Variants in MORC1 observed in about 807,000 individuals in gnomAD.
MORC1 encodes the protein MORC family CW-type zinc finger protein 1.
MORC1 carries 59 observed loss-of-function variants against 134.9 expected under a neutral mutation model. That is an observed-to-expected ratio of 0.44 (90% confidence interval 0.35 to 0.54). The LOEUF is 0.54. Ranked by LOEUF, MORC1 falls within the 20% of genes least tolerant of loss-of-function variation. MORC1 has a pLI of 0.00. For synonymous variants in MORC1, 395 were observed against 391.7 expected (o/e 1.01, Z -0.10); for missense variants, 947 against 1,134.5 (o/e 0.83, Z 2.37).
intron 14 of MORC1, among the ~76,000 whole-genome samples, chr3:109,038,934 T>A (rs1949444770): frequency 6.6e-6 from 1 of 152,182 alleles, no homozygotes; most frequent in Admixed American, 6.5e-5. Context: ...CTTTTTTTGT[T>A]AAGACAGAGT....
intron 17 of MORC1, among the ~76,000 whole-genome samples, chr3:109,027,493 G>C (rs1949106566): frequency 6.6e-6 from 1 of 152,026 alleles, no homozygotes; most frequent in African/African-American, 2.4e-5. Context: ...TGCAGCTGTG[G>C]AGTAGAAATA....
intron 14 of MORC1, among the ~76,000 whole-genome samples, chr3:109,042,743 T>C (rs766735057): frequency 2.6e-5 from 4 of 152,180 alleles, no homozygotes; most frequent in Admixed American, 6.5e-5. Context: ...GAATACTATT[T>C]AGCCTTTTAA....
chr3:108,978,627 C>T (rs1947627992), intron 24 of MORC1, among the ~76,000 whole-genome samples: 2 of 152,226 alleles, frequency 1.3e-5, no homozygotes, highest in African/African-American at 2.4e-5. Flanking sequence ...GTAGAGGCTA[C>T]AGTCCCTATG....
intron 17 of MORC1, among the ~76,000 whole-genome samples, chr3:109,024,726 G>T (rs991948521): frequency 6.6e-6 from 1 of 152,162 alleles, no homozygotes; most frequent in Non-Finnish European, 1.5e-5. Context: ...GGCATATATT[G>T]TATGATTCTG....
intron 8 of MORC1, among the ~76,000 whole-genome samples, chr3:109,076,174 T>C (rs1354564063): frequency 6.6e-6 from 1 of 152,024 alleles, no homozygotes; most frequent in Admixed American, 6.5e-5. Context: ...GCAAAAGATA[T>C]GAACAGACAC....
At chr3:109,065,460 T>C (rs1950175669) in intron 9 of MORC1, among the ~76,000 whole-genome samples, 1 of 152,312 alleles carries the variant, frequency 6.6e-6, no homozygotes, top group South Asian at 2.1e-4. Flanking sequence ...GTGTTTTTTT[T>C]CCTCCTGGTA....
At chr3:109,044,197 G>C (rs1476556750) in intron 14 of MORC1, among the ~76,000 whole-genome samples, 2 of 152,002 alleles carry the variant, frequency 1.3e-5, no homozygotes, top group Admixed American at 1.3e-4. Context: ...AGCTATGTAT[G>C]GAATACTTTA....
At chr3:109,000,017 C>A (rs1455971734) in intron 21 of MORC1, among the ~76,000 whole-genome samples, 1 of 152,108 alleles carries the variant, frequency 6.6e-6, no homozygotes, top group Non-Finnish European at 1.5e-5. Context: ...GAAGGCAAAG[C>A]AACTCGATTC....
chr3:108,959,561 A>G (rs1055711208), intron 27 of MORC1, among the ~76,000 whole-genome samples: 12 of 152,064 alleles, frequency 7.9e-5, no homozygotes, highest in African/African-American at 2.9e-4. Flanking sequence ...CTCTTGGCTT[A>G]CTACCCTGGT....
chr3:109,035,241 T>C, intron 15 of MORC1, 99 bp downstream of exon 15: 17 of 1,133,476 alleles, frequency 1.5e-5, no homozygotes, highest in Non-Finnish European at 2.1e-5. Flanking sequence ...AAGCAAGATG[T>C]CTTACCTTTG....
Position 108,958,877 on chromosome 3 carries a change from A to T in MORC1, c.*88T>A. ...CTTATTGTTAAACAGAATAGACTTTACAGTAACAACAACAAAAAAGAAAAA... is the reference window on the plus strand; with the variant it reads ...CTTATTGTTAAACAGAATAGACTTTTCAGTAACAACAACAAAAAAGAAAAA... On this transcript the variant is annotated 3_prime_UTR_variant, in exon 28 of 28. Coordinates refer to ENST00000232603, the MANE Select transcript of MORC1 (RefSeq NM_014429.4). 2 of 843,670 alleles carry T rather than the reference A, an allele frequency of 2.4e-6. No individual in the cohort carries two copies. The highest frequency in any genetic ancestry group is 3.5e-6 in the Non-Finnish European group (2 of 573,322). The allele number at this position is 843,670 out of a possible 1,614,324, so 52.3% of individuals were successfully genotyped here.
At chr3:109,008,574 G>C (rs576757417) in intron 17 of MORC1, among the ~76,000 whole-genome samples, 150 of 151,782 alleles carry the variant, frequency 9.9e-4, no homozygotes, top group African/African-American at 3.5e-3. Flanking sequence ...TGTATCACTT[G>C]TAATTATTGC....
intron 3 of MORC1, chr3:109,110,054 C>T (rs1313976053): frequency 6.6e-6 from 1 of 152,212 alleles, no homozygotes; most frequent in African/African-American, 2.4e-5. Flanking sequence ...GTCTATCTCT[C>T]TCATGAAGCG....
intron 17 of MORC1, among the ~76,000 whole-genome samples, chr3:109,015,999 T>A (rs1948809034): frequency 6.6e-6 from 1 of 152,204 alleles, no homozygotes. Flanking sequence ...AGTCTGAACA[T>A]GAAAACCATT....
chr3:109,020,132 T>A (rs1948920492), intron 17 of MORC1, among the ~76,000 whole-genome samples: 1 of 152,224 alleles, frequency 6.6e-6, no homozygotes, highest in Admixed American at 6.5e-5. Flanking sequence ...CCAAAAATTG[T>A]ATGAACCTCA....
At chr3:109,060,218 G>A (rs895605599) in intron 11 of MORC1, among the ~76,000 whole-genome samples, 11 of 149,310 alleles carry the variant, frequency 7.4e-5, no homozygotes, top group African/African-American at 2.5e-4. Flanking sequence ...TTGTTTGTGA[G>A]AACAATAAAT....
At chr3:109,024,148 T>C (rs1949022185) in intron 17 of MORC1, among the ~76,000 whole-genome samples, 2 of 152,220 alleles carry the variant, frequency 1.3e-5, no homozygotes, top group Non-Finnish European at 1.5e-5. Flanking sequence ...CAAATATGAT[T>C]TGCAATATAT....
intron 20 of MORC1, among the ~76,000 whole-genome samples, chr3:109,002,778 A>G (rs1948438593): frequency 6.6e-6 from 1 of 150,964 alleles, no homozygotes; most frequent in South Asian, 2.1e-4. Flanking sequence ...CCTGCTTGAA[A>G]CTCTTCAATG....
intron 18 of MORC1, 88 bp downstream of exon 18, chr3:109,006,941 C>G: frequency 9.6e-7 from 1 of 1,037,856 alleles, no homozygotes; most frequent in Non-Finnish European, 1.4e-6. Context: ...ACCTCATAAA[C>G]CATGATGACA....
Sources: gnomAD v4.1 joint callset for allele counts (sites outside exome capture counted in the v4.1 genomes callset) on GRCh38, gnomAD v4.1.1 for gene constraint, MANE v1.5 for transcripts, NCBI Gene and HGNC (gene_info 2026-07-23, HGNC 2026-07-21) for gene names.